The following RBFOX1 variants were observed in gnomAD, a reference collection of about 807,000 sequenced individuals.
RBFOX1 encodes the protein RNA binding protein fox-1 homolog 1.
RBFOX1 carries 8 observed loss-of-function variants against 57.7 expected under a neutral mutation model. The observed-to-expected ratio is 0.14, with a 90% confidence interval of 0.08 to 0.25. The LOEUF is 0.25. RBFOX1 is among the 10% of genes least tolerant of loss of function. The pLI, the probability that RBFOX1 is intolerant of heterozygous loss-of-function variation, is 1.00. For missense variants in RBFOX1, 611 were observed against 548.5 expected, an observed-to-expected ratio of 1.11 and a Z score of -1.14; for synonymous variants, 326 against 222.4, an observed-to-expected ratio of 1.47 and a Z score of -4.15.
intron 1 of RBFOX1, among the ~76,000 whole-genome samples, chr16:5,337,549 C>T (rs907991758): frequency 6.6e-6 from 1 of 152,086 alleles, no homozygotes; most frequent in Non-Finnish European, 1.5e-5. Context: ...CCTACTTCCT[C>T]GAACAATATA....
chr16:7,270,571 T>A (rs1298801029), intron 4 of RBFOX1, among the ~76,000 whole-genome samples: 6 of 152,198 alleles, frequency 3.9e-5, no homozygotes, highest in African/African-American at 1.2e-4. Flanking sequence ...GCCCACAGAC[T>A]AGAATCATAT....
At chr16:7,514,475 C>T (rs1022546499) in intron 4 of RBFOX1, among the ~76,000 whole-genome samples, 7 of 152,100 alleles carry the variant, frequency 4.6e-5, no homozygotes, top group Non-Finnish European at 1.0e-4. Context: ...GTCCTGTTTT[C>T]AGGGAGCTCA....
intron 1 of RBFOX1, among the ~76,000 whole-genome samples, chr16:6,284,369 G>A (rs2076687804): frequency 6.6e-6 from 1 of 152,134 alleles, no homozygotes; most frequent in Non-Finnish European, 1.5e-5. Context: ...TTGCTGGTAA[G>A]CTGCCGATAT....
At chr16:7,383,805 C>A (rs1405852926) in intron 4 of RBFOX1, among the ~76,000 whole-genome samples, 1 of 151,890 alleles carries the variant, frequency 6.6e-6, no homozygotes, top group Non-Finnish European at 1.5e-5. Context: ...GCCTGTAATC[C>A]CCGTACTTTG....
intron 3 of RBFOX1, among the ~76,000 whole-genome samples, chr16:6,686,702 A>G (rs1228569392): frequency 2.0e-5 from 3 of 152,144 alleles, no homozygotes; most frequent in South Asian, 4.1e-4. Context: ...AGGGAACGCA[A>G]TTGTGAGACT....
intron 4 of RBFOX1, among the ~76,000 whole-genome samples, chr16:7,439,416 G>A (rs1170357570): frequency 1.3e-5 from 2 of 151,278 alleles, no homozygotes; most frequent in East Asian, 1.9e-4. Context: ...GGAGGAAAAG[G>A]CATCCATTCA....
At chr16:6,190,495 G>T (rs545650003) in intron 1 of RBFOX1, among the ~76,000 whole-genome samples, 1 of 152,290 alleles carries the variant, frequency 6.6e-6, no homozygotes, top group South Asian at 2.1e-4. Flanking sequence ...GATTATTTCA[G>T]AAAATTAGGA....
chr16:6,599,101 T>C (rs530793757), intron 2 of RBFOX1, among the ~76,000 whole-genome samples: 1 of 152,314 alleles, frequency 6.6e-6, no homozygotes, highest in Non-Finnish European at 1.5e-5. Flanking sequence ...TACCAGTCAG[T>C]ATGTTCCAAA....
At chr16:7,300,872 T>C (rs1158971352) in intron 4 of RBFOX1, among the ~76,000 whole-genome samples, 1 of 152,218 alleles carries the variant, frequency 6.6e-6, no homozygotes, top group Non-Finnish European at 1.5e-5. Flanking sequence ...CTGTGGGGTA[T>C]GTATAACCAT....
intron 1 of RBFOX1, among the ~76,000 whole-genome samples, chr16:6,200,901 A>G (rs976728732): frequency 2.0e-5 from 3 of 150,622 alleles, no homozygotes; most frequent in East Asian, 3.9e-4. Flanking sequence ...ATTTTTATGC[A>G]GCTCATTTTT....
At chr16:7,320,302 C>T (rs2096523885) in intron 4 of RBFOX1, among the ~76,000 whole-genome samples, 1 of 152,094 alleles carries the variant, frequency 6.6e-6, no homozygotes. Context: ...TTGTTCAGCT[C>T]CCACTTGTGA....
chr16:6,399,515 C>T (rs1226785501), intron 2 of RBFOX1, among the ~76,000 whole-genome samples: 1 of 152,126 alleles, frequency 6.6e-6, no homozygotes, highest in Non-Finnish European at 1.5e-5. Context: ...TCTGAGACCA[C>T]CTCAGCCAGG....
At chr16:6,518,779 CTGTCTGTCTGTG>C (rs1410276213) in intron 2 of RBFOX1, among the ~76,000 whole-genome samples, 7 of 76,242 alleles carry the variant, frequency 9.2e-5, no homozygotes, top group South Asian at 4.6e-4. Context: ...ATCCATCTGT[CTGTCTGTCTGTG>C]TGTCTGTCTA....
At chr16:6,788,896 G>A (rs1395983683) in intron 3 of RBFOX1, among the ~76,000 whole-genome samples, 1 of 152,104 alleles carries the variant, frequency 6.6e-6, no homozygotes, top group African/African-American at 2.4e-5. Context: ...CTAACTCTCT[G>A]CTCTAAGAAC....
intron 1 of RBFOX1, among the ~76,000 whole-genome samples, chr16:6,085,876 A>G (rs1456390345): frequency 6.6e-6 from 1 of 152,064 alleles, no homozygotes; most frequent in African/African-American, 2.4e-5. Context: ...GGTTTGTTAC[A>G]TAGGTAAACG....
intron 3 of RBFOX1, among the ~76,000 whole-genome samples, chr16:6,830,272 T>C (rs2092611223): frequency 1.3e-5 from 2 of 152,320 alleles, no homozygotes; most frequent in East Asian, 1.9e-4. Context: ...AGATTGTGCA[T>C]TCTGATATAC....
At chr16:6,010,878 A>T (rs915910727) in intron 4 of RBFOX1, among the ~76,000 whole-genome samples, 32 of 152,186 alleles carry the variant, frequency 2.1e-4, no homozygotes, top group African/African-American at 7.7e-4. Flanking sequence ...ATGTGTCTTA[A>T]TCGAAGTATA....
intron 1 of RBFOX1, among the ~76,000 whole-genome samples, chr16:6,096,604 G>A (rs1326017595): frequency 6.6e-6 from 1 of 152,130 alleles, no homozygotes; most frequent in Non-Finnish European, 1.5e-5. Context: ...TGGAAGTTTT[G>A]GGATTCTGTG....
At chr16:5,683,461 G>T (rs1230482370) in intron 3 of RBFOX1, among the ~76,000 whole-genome samples, 2 of 152,052 alleles carry the variant, frequency 1.3e-5, no homozygotes, top group African/African-American at 4.8e-5. Flanking sequence ...ATTTGAGTCA[G>T]TGGGCTGGGA....
Sources: gnomAD v4.1 joint callset for allele counts (sites outside exome capture counted in the v4.1 genomes callset) on GRCh38, gnomAD v4.1.1 for gene constraint, MANE v1.5 for transcripts, NCBI Gene and HGNC (gene_info 2026-07-23, HGNC 2026-07-21) for gene names.